The following MED6 variants were observed in gnomAD, a reference collection of about 807,000 sequenced individuals.
The protein encoded by MED6 is mediator of RNA polymerase II transcription subunit 6.
A neutral mutation model predicts 37.5 loss-of-function variants in MED6; 33 were observed. The ratio of observed to expected loss-of-function variants is 0.88; its 90% confidence interval spans 0.67 to 1.18. The LOEUF is 1.18. MED6 is among the 50% of genes most tolerant of loss of function. The pLI is 0.00. For synonymous variants in MED6, 94 were observed against 93.6 expected (o/e 1.00, Z -0.02); for missense variants, 235 against 290.6 (o/e 0.81, Z 1.39).
intron 6 of MED6, 136 bp from the exon 7 acceptor site, chr14:70,585,919 G>T: frequency 1.6e-6 from 1 of 626,682 alleles, no homozygotes; most frequent in South Asian, 2.6e-5. Context: ...AAATGACTTT[G>T]TGAAGAAAAG....
chr14:70,592,097 A>T (rs1474391020), intron 5 of MED6, among the ~76,000 whole-genome samples: 1 of 152,222 alleles, frequency 6.6e-6, no homozygotes, highest in Non-Finnish European at 1.5e-5. Flanking sequence ...ACTATTAAGA[A>T]GATACAGGTC....
At chr14:70,599,553 T>C (rs1436977544) in intron 1 of MED6, among the ~76,000 whole-genome samples, 1 of 152,170 alleles carries the variant, frequency 6.6e-6, no homozygotes, top group African/African-American at 2.4e-5. Context: ...AAAGACCTTA[T>C]CATAGCTTTC....
chr14:70,598,272 G>A (rs1236240274), intron 1 of MED6, among the ~76,000 whole-genome samples: 1 of 152,046 alleles, frequency 6.6e-6, no homozygotes, highest in East Asian at 1.9e-4. Context: ...ACTCCAGCCT[G>A]AGCAACAAGA....
At chr14:70,590,098 T>G (rs1030724297) in intron 6 of MED6, among the ~76,000 whole-genome samples, 17 of 152,254 alleles carry the variant, frequency 1.1e-4, no homozygotes, top group African/African-American at 4.1e-4. Context: ...ATCCAGTATG[T>G]ATACTGCACT....
intron 5 of MED6, 122 bp downstream of exon 5, chr14:70,592,758 C>T (rs1884918785): frequency 9.5e-7 from 1 of 1,054,646 alleles, no homozygotes; most frequent in Non-Finnish European, 1.4e-6. Context: ...TGCAACAAAG[C>T]CATCATCCCA....
In MED6 at chr14:70,584,271, T is replaced by C; in HGVS notation, c.*542A>G. On this transcript the variant is annotated 3_prime_UTR_variant, in exon 8 of 8. Transcript: ENST00000256379. The stretch of plus-strand genomic sequence containing the variant: ...AATACCTTTATTTTGCTTTTAAACA[T>C]ATCTACCAGTAAACATGTGAGTGTG... The C allele has an allele frequency of 1.5e-6, 1 of 646,428 alleles. No individual in the cohort carries two copies. Among genetic ancestry groups the C allele is most frequent in the Middle Eastern group, 2.5e-4 (1 of 3,942 alleles). 40.0% of individuals were successfully genotyped at this position (646,428 alleles called of 1,614,324 possible). A position where few individuals can be genotyped will look rare whatever the true frequency, so the allele number is the denominator to read the frequency against.
At chr14:70,591,467 ACC>A in intron 5 of MED6, 86 bp from the exon 6 acceptor site, 3 of 1,013,194 alleles carry the variant, frequency 3.0e-6, no homozygotes, top group Non-Finnish European at 4.5e-6. Flanking sequence ...CCATGAATAT[ACC>A]CAAACTTCAT....
rs938558531 is a variant in MED6 at position 70,583,510 on chromosome 14, G to C, written c.*1303C>G. On this transcript the variant is annotated 3_prime_UTR_variant, in exon 8 of 8. Transcript: ENST00000256379. The stretch of plus-strand genomic sequence containing the variant: ...GGAACAACTTAGCAATATGGACTAA[G>C]AGCAATAAAAATGCAGAGACTCTAG... 6.6e-6 allele frequency: 1 copy of C among 152,154 alleles called. No homozygotes were observed. The highest frequency in any genetic ancestry group is 2.4e-5 in the African/African-American group (1 of 41,438). The allele number at this position is 152,154 out of a possible 1,614,324, so 9.4% of individuals were successfully genotyped here.
intron 3 of MED6, chr14:70,595,251 T>C (rs1241569686): frequency 2.7e-5 from 15 of 546,336 alleles, no homozygotes; most frequent in African/African-American, 9.4e-5. Flanking sequence ...ACGATGAAGG[T>C]AGATACCCCC....
At chr14:70,595,660 C>A in intron 3 of MED6, 1 of 954,234 alleles carries the variant, frequency 1.0e-6, no homozygotes, top group Non-Finnish European at 1.6e-6. Flanking sequence ...AAGCTGTAGG[C>A]TGAGATCACC....
Position 70,583,717 on chromosome 14 carries a change from T to A in MED6, c.*1096A>T, listed in dbSNP as rs1884613799. ...CAGAAATTCGGACACTAAAACAGTC[T>A]ATAAAAACTACATAAACATGGGGAA... is the stretch of plus-strand genomic sequence containing the variant. On this transcript the variant is annotated 3_prime_UTR_variant, in exon 8 of 8. Transcript: ENST00000256379. 1 of 172,832 alleles carries A rather than the reference T, an allele frequency of 5.8e-6. No individual in the cohort carries two copies. The highest frequency in any genetic ancestry group is 2.4e-5 in the African/African-American group (1 of 42,350). The allele number at this position is 172,832 out of a possible 1,614,324, so 10.7% of individuals were successfully genotyped here. A position where few individuals can be genotyped will look rare whatever the true frequency, so the allele number is the denominator to read the frequency against.
At chr14:70,600,459 A>G (rs1885174307) in intron 1 of MED6, among the ~76,000 whole-genome samples, 157 bp downstream of exon 1, 2 of 151,220 alleles carry the variant, frequency 1.3e-5, no homozygotes, top group African/African-American at 4.9e-5. Flanking sequence ...AAAACTCGTC[A>G]ACGTTTCGCT....
At chr14:70,588,414 G>A (rs1049159651) in intron 6 of MED6, among the ~76,000 whole-genome samples, 8 of 152,032 alleles carry the variant, frequency 5.3e-5, no homozygotes, top group Middle Eastern at 3.2e-3. Context: ...GGCCGGGCGC[G>A]GTGGCTCATG....
chr14:70,587,087 C>T (rs933786325), intron 6 of MED6, among the ~76,000 whole-genome samples: 2 of 152,180 alleles, frequency 1.3e-5, no homozygotes, highest in Non-Finnish European at 2.9e-5. Flanking sequence ...CCCCCAACTC[C>T]AAAAACACAC....
intron 6 of MED6, among the ~76,000 whole-genome samples, chr14:70,591,041 T>C (rs1884853881): frequency 6.6e-6 from 1 of 152,228 alleles, no homozygotes. Flanking sequence ...GTCCTCATAG[T>C]TTGTGAAGTT....
At chr14:70,592,724 A>T (rs1429376120) in intron 5 of MED6, 156 bp downstream of exon 5, 1 of 663,552 alleles carries the variant, frequency 1.5e-6, no homozygotes, top group Non-Finnish European at 2.5e-6. Flanking sequence ...TATTATTACC[A>T]CATCTAGTTA....
chr14:70,588,776 G>A (rs1884789924), intron 6 of MED6, among the ~76,000 whole-genome samples: 1 of 150,668 alleles, frequency 6.6e-6, no homozygotes, highest in Admixed American at 6.6e-5. Context: ...GATAAAACAA[G>A]CTTGGCCATT....
chr14:70,598,602 A>C (rs1223283764), intron 1 of MED6, among the ~76,000 whole-genome samples: 1 of 152,226 alleles, frequency 6.6e-6, no homozygotes, highest in African/African-American at 2.4e-5. Context: ...AAACTTACAC[A>C]GAGAAAAGGG....
At chr14:70,585,555 CTT>C (rs77491908) in intron 7 of MED6, among the ~76,000 whole-genome samples, 199 bp downstream of exon 7, 3 of 129,414 alleles carry the variant, frequency 2.3e-5, no homozygotes, top group African/African-American at 3.2e-5. Context: ...CATTATGAGA[CTT>C]TTTTTTTTTT....
Sources: allele counts gnomAD v4.1 joint callset (sites outside exome capture counted in the v4.1 genomes callset), GRCh38; gene constraint gnomAD v4.1.1; transcripts MANE v1.5; gene names NCBI Gene and HGNC (gene_info 2026-07-23, HGNC 2026-07-21).